The following AFAP1 variants were observed in gnomAD, a reference collection of about 807,000 sequenced individuals.
The protein encoded by AFAP1 is actin filament-associated protein 1.
A neutral mutation model predicts 93.9 loss-of-function variants in AFAP1; 75 were observed. The ratio of observed to expected loss-of-function variants is 0.80; its 90% CI spans 0.66 to 0.97. AFAP1 has a LOEUF of 0.97. Among genes scored for constraint, AFAP1 ranks in the 50% least tolerant of loss-of-function variants. AFAP1 has a pLI of 0.00. For synonymous variants in AFAP1, 517 were observed against 430.7 expected, an observed-to-expected ratio of 1.20 and a Z score of -2.48; for missense variants, 1,201 against 1,050.8, an observed-to-expected ratio of 1.14 and a Z score of -1.98.
intron 1 of AFAP1, among the ~76,000 whole-genome samples, chr4:7,873,580 C>T (rs1015577418): frequency 2.0e-5 from 3 of 151,880 alleles, no homozygotes; most frequent in Non-Finnish European, 4.4e-5. Context: ...GATCTCCTGA[C>T]CTCGTGATCC....
chr4:7,921,014 AT>A (rs1255098828), intron 1 of AFAP1, among the ~76,000 whole-genome samples: 7 of 151,704 alleles, frequency 4.6e-5, no homozygotes, highest in African/African-American at 1.4e-4. Context: ...AAATAAATAA[AT>A]AAATATGGGT....
chr4:7,801,970 G>C (rs1327466690), intron 9 of AFAP1, among the ~76,000 whole-genome samples: 1 of 143,832 alleles, frequency 7.0e-6, no homozygotes, highest in African/African-American at 2.6e-5. Context: ...CTTTCCAAAA[G>C]GGTTTTGGAG....
At chr4:7,827,780 G>A (rs143831944) in intron 6 of AFAP1, among the ~76,000 whole-genome samples, 1 of 151,904 alleles carries the variant, frequency 6.6e-6, no homozygotes, top group African/African-American at 2.4e-5. Flanking sequence ...ATCTTAAGAG[G>A]AGGAAGGCGG....
intron 5 of AFAP1, among the ~76,000 whole-genome samples, chr4:7,842,472 T>C (rs1346162099): frequency 6.6e-6 from 1 of 151,892 alleles, no homozygotes; most frequent in Admixed American, 6.6e-5. Flanking sequence ...AAGTTCATAA[T>C]TCTAATAACC....
At chr4:7,910,621 A>G (rs1719672721) in intron 1 of AFAP1, among the ~76,000 whole-genome samples, 1 of 152,144 alleles carries the variant, frequency 6.6e-6, no homozygotes, top group Non-Finnish European at 1.5e-5. Context: ...AGACCAAAAG[A>G]AGAACTGCAG....
chr4:7,841,205 C>T (rs1266866037), intron 5 of AFAP1, among the ~76,000 whole-genome samples: 3 of 152,288 alleles, frequency 2.0e-5, no homozygotes, highest in East Asian at 3.9e-4. Context: ...TGGGCAAAGA[C>T]GCCCAGTTTG....
At chr4:7,808,279 C>T (rs142293093) in intron 9 of AFAP1, among the ~76,000 whole-genome samples, 72 of 152,322 alleles carry the variant, frequency 4.7e-4, no homozygotes, top group African/African-American at 1.5e-3. Flanking sequence ...CGGATGGAAA[C>T]TCTCACCCAT....
At chr4:7,932,897 G>A (rs1721159052) in intron 1 of AFAP1, among the ~76,000 whole-genome samples, 2 of 151,848 alleles carry the variant, frequency 1.3e-5, no homozygotes, top group South Asian at 4.2e-4. Flanking sequence ...GCACGTGCCT[G>A]TAGTCCCAGC....
At chr4:7,778,017 G>C (rs1235200970) in intron 14 of AFAP1, 1 of 152,798 alleles carries the variant, frequency 6.5e-6, no homozygotes, top group Non-Finnish European at 1.5e-5. Context: ...GCTGGGTCCA[G>C]GCAGGCTGAG....
At chr4:7,784,637 G>T (rs1480816628) in intron 12 of AFAP1, among the ~76,000 whole-genome samples, 1 of 152,126 alleles carries the variant, frequency 6.6e-6, no homozygotes, top group Non-Finnish European at 1.5e-5. Context: ...CCCCAGGGCA[G>T]GTCCAGAGCA....
At chr4:7,852,865 C>G (rs967622554) in intron 4 of AFAP1, among the ~76,000 whole-genome samples, 2 of 152,140 alleles carry the variant, frequency 1.3e-5, no homozygotes, top group Admixed American at 1.3e-4. Flanking sequence ...CAGGAGTCAA[C>G]CTTGTATGAA....
chr4:7,789,295 G>A (rs1349123895), intron 11 of AFAP1, among the ~76,000 whole-genome samples: 3 of 152,160 alleles, frequency 2.0e-5, no homozygotes, highest in Non-Finnish European at 2.9e-5. Context: ...AAAACCAGGA[G>A]AGAGTCAAGT....
chr4:7,892,450 A>G (rs1718524830), intron 1 of AFAP1, among the ~76,000 whole-genome samples: 1 of 152,140 alleles, frequency 6.6e-6, no homozygotes, highest in African/African-American at 2.4e-5. Flanking sequence ...CCAAGGAGAC[A>G]CTGGGGGAGG....
chr4:7,833,810 G>C (rs549666236), intron 6 of AFAP1, among the ~76,000 whole-genome samples: 11 of 151,932 alleles, frequency 7.2e-5, no homozygotes, highest in African/African-American at 2.7e-4. Flanking sequence ...GGATAGTCCC[G>C]ATCTCCTGAC....
Position 7,839,130 on chromosome 4 carries a change from T to G in AFAP1, c.547-427A>C, listed in dbSNP as rs150953728. ...CAGGTGGATCACTTGAGCCCAGGAG[T>G]TCAAGACCAGCCTGGGCAACATGAA... On this transcript the variant is annotated intron_variant, in intron 5 of 17. Coordinates refer to ENST00000420658, the MANE Select transcript of AFAP1 (RefSeq NM_001134647.2). 1.4e-3 allele frequency among the ~76,000 whole-genome samples: 206 copies of G among 150,196 alleles called. 1 individual carries two copies. In the East Asian group the frequency reaches 0.034, roughly 25 times the overall value.
chr4:7,800,998 G>C (rs1718970057), intron 9 of AFAP1, among the ~76,000 whole-genome samples: 1 of 152,210 alleles, frequency 6.6e-6, no homozygotes, highest in African/African-American at 2.4e-5. Context: ...GGATGGCCAG[G>C]ATGGGGGCAC....
At chr4:7,812,162 G>A (rs1460152225) in intron 8 of AFAP1, among the ~76,000 whole-genome samples, 1 of 152,122 alleles carries the variant, frequency 6.6e-6, no homozygotes. Flanking sequence ...TGAAGACCCA[G>A]AGGAGGATGT....
At chr4:7,799,740 A>G (rs1242052248) in intron 10 of AFAP1, among the ~76,000 whole-genome samples, 1 of 152,240 alleles carries the variant, frequency 6.6e-6, no homozygotes, top group Non-Finnish European at 1.5e-5. Flanking sequence ...GGTAGAAAAC[A>G]TCAACAGAAT....
At chr4:7,794,948 A>G (rs1010411212) in intron 10 of AFAP1, among the ~76,000 whole-genome samples, 3 of 151,998 alleles carry the variant, frequency 2.0e-5, no homozygotes, top group African/African-American at 7.2e-5. Context: ...AAATTAAGCT[A>G]TCAAATCTAT....
Sources: allele counts gnomAD v4.1 joint callset (sites outside exome capture counted in the v4.1 genomes callset), GRCh38; gene constraint gnomAD v4.1.1; transcripts MANE v1.5; gene names NCBI Gene and HGNC (gene_info 2026-07-23, HGNC 2026-07-21).